ATM: variants seen among roughly 807,000 people sequenced by gnomAD.
ATM encodes the protein ATM serine/threonine kinase, also known as serine-protein kinase ATM.
Under a neutral mutation model 387.0 loss-of-function variants are expected in ATM, and 308 were observed. The ratio of observed to expected loss-of-function variants is 0.80; its 90% confidence interval spans 0.73 to 0.87. The LOEUF (loss-of-function observed/expected upper bound fraction) is 0.87, where lower values mean the gene tolerates loss of function less well. Ranked by LOEUF, ATM falls within the 40% of genes least tolerant of loss-of-function variation. The pLI is 0.00. For missense variants in ATM, 3,312 were observed against 3,560.9 expected, an observed-to-expected ratio of 0.93 and a Z score of 1.78; for synonymous variants, 1,156 against 1,187.3, an observed-to-expected ratio of 0.97 and a Z score of 0.54.
chr11:108,367,253 C>T lies in ATM; in HGVS notation c.*1745C>T. The T allele has an allele frequency of 5.6e-6, 1 of 179,812 alleles. No individual in the cohort carries two copies. Among genetic ancestry groups the T allele is most frequent in the Non-Finnish European group, 1.2e-5 (1 of 83,882 alleles). The allele number at this position is 179,812 out of a possible 1,614,324, so 11.1% of individuals were successfully genotyped here. ...CCACCCTCCTCGGCCTCCCAAAGTG[C>T]TGGGATTACAGGTGTGAGCCACCGC... On this transcript the variant is annotated 3_prime_UTR_variant, in exon 63 of 63. Coordinates refer to ENST00000675843, the MANE Select transcript of ATM (RefSeq NM_000051.4).
Position 108,330,516 on chromosome 11 carries a change from C to T in ATM, c.7515+95C>T. ...GAATCGTGTATACCTCTTTGTATTC[C>T]TAGCACTTGGTCCAGTGCTCTACAC... is the stretch of plus-strand genomic sequence containing the variant. On this transcript the variant is annotated intron_variant, in intron 50 of 62. Transcript: ENST00000675843. 3.1e-6 allele frequency: 4 copies of T among 1,277,304 alleles called. No individual in the cohort carries two copies. The East Asian group carries it at 9.3e-5, about 30-fold the overall frequency. The allele number at this position is 1,277,304 out of a possible 1,614,324, so 79.1% of individuals were successfully genotyped here.
chr11:108,275,966 T>C (rs1291725958), intron 22 of ATM, among the ~76,000 whole-genome samples: 1 of 152,242 alleles, frequency 6.6e-6, no homozygotes, highest in African/African-American at 2.4e-5. Flanking sequence ...CCAACTTGGT[T>C]CCATTCTCCC....
At position 108,365,679 on chromosome 11, in the gene ATM, G is replaced by C; in HGVS notation, c.*171G>C. The C allele has an allele frequency of 1.2e-6, 1 of 850,514 alleles. No homozygotes were observed. Among genetic ancestry groups the C allele is most frequent in the Non-Finnish European group, 1.8e-6 (1 of 559,814 alleles). The allele number at this position is 850,514 out of a possible 1,614,324, so 52.7% of individuals were successfully genotyped here. On this transcript the variant is annotated 3_prime_UTR_variant, in exon 63 of 63. Coordinates refer to ENST00000675843, the MANE Select transcript of ATM (RefSeq NM_000051.4). ...TTTAATCACCACTCAAAAATGTTTT[G>C]ATGGTCTTAAGGAACATCTCTGCTT...
intron 39 of ATM, 77 bp from the exon 40 acceptor site, chr11:108,312,334 C>T: frequency 9.0e-7 from 1 of 1,113,832 alleles, no homozygotes; most frequent in Non-Finnish European, 1.4e-6. Context: ...TTTTTTCTGT[C>T]AAAGTCTATA....
chr11:108,253,024 C>G, intron 12 of ATM, 112 bp downstream of exon 12: 1 of 962,834 alleles, frequency 1.0e-6, no homozygotes, highest in Non-Finnish European at 1.6e-6. Context: ...TAAATTGGTC[C>G]AAAAAAATTG....
At chr11:108,317,984 T>G (rs61915066) in intron 43 of ATM, among the ~76,000 whole-genome samples, 8,056 of 152,120 alleles carry the variant, frequency 0.053, 276 homozygotes, top group Non-Finnish European at 0.081. Flanking sequence ...CTACAAACAT[T>G]TTAGTCAGTA....
chr11:108,261,055 TG>T (rs552614867), intron 16 of ATM, among the ~76,000 whole-genome samples: 3,239 of 149,418 alleles, frequency 0.022, 82 homozygotes, highest in African/African-American at 0.068. Flanking sequence ...GCAGCGAGGC[TG>T]GGGGAGGGAT....
chr11:108,256,094 T>G (rs2080460958), intron 13 of ATM, 121 bp from the exon 14 acceptor site: 1 of 906,980 alleles, frequency 1.1e-6, no homozygotes, highest in East Asian at 3.4e-5. Context: ...ATATGCCACC[T>G]TTAACTCAGT....
At chr11:108,229,066 T>C in intron 3 of ATM, 112 bp from the exon 4 acceptor site, 1 of 1,072,790 alleles carries the variant, frequency 9.3e-7, no homozygotes, top group Non-Finnish European at 1.4e-6. Flanking sequence ...GATGTAGTAA[T>C]CTAAGCAAGG....
intron 40 of ATM, among the ~76,000 whole-genome samples, chr11:108,313,103 C>T (rs951708999): frequency 6.6e-6 from 1 of 152,192 alleles, no homozygotes; most frequent in African/African-American, 2.4e-5. Flanking sequence ...TTGAAATCTC[C>T]TGGCATCTCC....
intron 61 of ATM, 164 bp downstream of exon 61, chr11:108,355,038 C>T: frequency 1.6e-6 from 1 of 634,996 alleles, no homozygotes; most frequent in Non-Finnish European, 2.8e-6. Flanking sequence ...TTCACACATC[C>T]AAAAATACTG....
chr11:108,317,578 A>G, intron 43 of ATM, 57 bp downstream of exon 43: 2 of 1,454,364 alleles, frequency 1.4e-6, no homozygotes, highest in Admixed American at 3.7e-5. Flanking sequence ...CTAAACAACA[A>G]CTGTTTTTCT....
Position 108,321,284 on chromosome 11 carries a change from T to G in ATM, c.6453-17T>G, listed in dbSNP as rs1057522251. 9 of 1,613,906 alleles carry G rather than the reference T, an allele frequency of 5.6e-6. No individual in the cohort carries two copies. The Admixed American group carries it at 8.3e-5, about 15-fold the overall frequency. On this transcript the variant is annotated splice_polypyrimidine_tract_variant and intron_variant, in intron 44 of 62. Coordinates refer to ENST00000675843, the MANE Select transcript of ATM (RefSeq NM_000051.4). ...CTCTTCTTTATTTTCAGAGTGTCTT[T>G]TCTTTTTTGCTACTAGAGTAAAAGA...
At chr11:108,268,962 A>G (rs182944107) in intron 18 of ATM, among the ~76,000 whole-genome samples, 291 of 152,286 alleles carry the variant, frequency 1.9e-3, no homozygotes, top group African/African-American at 6.7e-3. Context: ...ATATATTTTC[A>G]GTTTTTTGGA....
intron 5 of ATM, chr11:108,236,555 AAGC>A (rs2079288287): frequency 6.6e-6 from 1 of 152,272 alleles, no homozygotes. Flanking sequence ...AAAAAAGTGA[AAGC>A]AAGAGAGTTG....
rs1468721006 is a variant in ATM, at chr11:108,317,642, TATATATATATACAC to T, written c.6347+123_6347+136del. ...ATATATATATATATATATATATATA[TATATATATATACAC>T]ACACACACACACACACACTATATAT... On this transcript the variant is annotated intron_variant, in intron 43 of 62. Transcript: ENST00000675843. 9.4e-5 allele frequency: 16 copies of T among 171,014 alleles called. 1 individual carries two copies. Among genetic ancestry groups the T allele is most frequent in the East Asian group, 6.9e-4 (4 of 5,798 alleles). The allele number at this position is 171,014 out of a possible 1,614,324, so 10.6% of individuals were successfully genotyped here.
At chr11:108,248,197 C>T (rs2079949512) in intron 8 of ATM, among the ~76,000 whole-genome samples, 1 of 152,130 alleles carries the variant, frequency 6.6e-6, no homozygotes, top group Non-Finnish European at 1.5e-5. Context: ...CCATCCATCA[C>T]CTGATGGCCT....
intron 4 of ATM, among the ~76,000 whole-genome samples, chr11:108,234,332 G>A (rs1044709068): frequency 2.0e-5 from 3 of 152,262 alleles, no homozygotes; most frequent in African/African-American, 7.2e-5. Flanking sequence ...TACATGAGTT[G>A]TGTTCTGCTC....
In ATM at chr11:108,353,063, G is replaced by C. The variant is rs533056636; in HGVS notation, c.8672-703G>C. On this transcript the variant is annotated intron_variant, in intron 59 of 62. Transcript: ENST00000675843. ...AGTTTTGCAGGACATTACAGTTGGG[G>C]TGAAATGGGGAAAAGGCATAAGGGA... Among the ~76,000 whole-genome samples, 4 of 152,220 alleles carry C rather than the reference G, an allele frequency of 2.6e-5. No homozygotes were observed. The East Asian group carries it at 7.7e-4, about 29-fold the overall frequency.
Sources: allele counts gnomAD v4.1 joint callset (sites outside exome capture counted in the v4.1 genomes callset), GRCh38; gene constraint gnomAD v4.1.1; transcripts MANE v1.5; gene names NCBI Gene and HGNC (gene_info 2026-07-23, HGNC 2026-07-21).